RBFOX1: variants seen among roughly 807,000 people sequenced by gnomAD.
The protein encoded by RBFOX1 is RNA binding protein fox-1 homolog 1.
A neutral mutation model predicts 57.7 loss-of-function variants in RBFOX1; 8 were observed. The ratio of observed to expected loss-of-function variants is 0.14; its 90% CI spans 0.08 to 0.25. RBFOX1 has a LOEUF of 0.25. Among genes scored for constraint, RBFOX1 ranks in the 10% least tolerant of loss-of-function variants. RBFOX1 has a pLI of 1.00. For missense variants in RBFOX1, 611 were observed against 548.5 expected, an observed-to-expected ratio of 1.11 and a Z score of -1.14; for synonymous variants, 326 against 222.4, an observed-to-expected ratio of 1.47 and a Z score of -4.15.
intron 4 of RBFOX1, among the ~76,000 whole-genome samples, chr16:7,292,228 AGAACG>A (rs1427882749): frequency 0.064 from 8,026 of 125,114 alleles, 994 homozygotes; most frequent in African/African-American, 0.15. Flanking sequence ...TATATGATAT[AGAACG>A]TATTATATAT....
chr16:6,720,421 A>G (rs181826328), intron 3 of RBFOX1, among the ~76,000 whole-genome samples: 34 of 152,158 alleles, frequency 2.2e-4, no homozygotes, highest in African/African-American at 7.5e-4. Flanking sequence ...CTTTCTTTAT[A>G]AATTACCCAC....
chr16:5,716,211 G>A (rs1051925902), intron 3 of RBFOX1, among the ~76,000 whole-genome samples: 3 of 152,240 alleles, frequency 2.0e-5, no homozygotes, highest in South Asian at 2.1e-4. Context: ...TGGTTGGCGT[G>A]AAAGTAATTT....
intron 2 of RBFOX1, among the ~76,000 whole-genome samples, chr16:6,581,640 G>C (rs1175665833): frequency 1.3e-5 from 2 of 152,166 alleles, no homozygotes; most frequent in Non-Finnish European, 2.9e-5. Context: ...GAGCTTCTCA[G>C]AAACAGGTGA....
intron 2 of RBFOX1, among the ~76,000 whole-genome samples, chr16:6,387,086 A>G (rs78547074): frequency 0.023 from 3,481 of 152,284 alleles, 125 homozygotes; most frequent in African/African-American, 0.075. Context: ...AAGTCTTGGT[A>G]AAGTCAAAGT....
rs752261790 is a variant in RBFOX1 at position 5,946,652 on chromosome 16, C to G, written c.351+79317C>G. Among the ~76,000 whole-genome samples, 10 of 152,092 alleles carry G rather than the reference C, an allele frequency of 6.6e-5. No individual in the cohort carries two copies. The highest frequency in any genetic ancestry group is 1.3e-4 in the Non-Finnish European group (9 of 68,024). ...GAGCCGTGCTAGGCAACTATTGAAC[C>G]AGAGAAGGGGGTTATGAGAATCTCT... On this transcript the variant is annotated intron_variant, in intron 4 of 19. Coordinates refer to the RBFOX1 transcript ENST00000641259. This position sits in a 1 kb window ranked among gnomAD's most constrained non-coding sequence, Gnocchi z 4.6.
At chr16:7,610,354 C>G (rs1307765317) in intron 10 of RBFOX1, among the ~76,000 whole-genome samples, 1 of 151,468 alleles carries the variant, frequency 6.6e-6, no homozygotes, top group Non-Finnish European at 1.5e-5. Context: ...CTTCTGACCT[C>G]AAGTGATGCG....
At chr16:7,125,475 A>G (rs2068268499) in intron 4 of RBFOX1, among the ~76,000 whole-genome samples, 1 of 152,196 alleles carries the variant, frequency 6.6e-6, no homozygotes, top group African/African-American at 2.4e-5. Flanking sequence ...AACCTGTCGG[A>G]TGCTAAGCAG....
intron 11 of RBFOX1, among the ~76,000 whole-genome samples, chr16:7,632,900 A>G (rs1031456647): frequency 2.9e-5 from 4 of 137,426 alleles, no homozygotes; most frequent in Admixed American, 1.4e-4. Context: ...GAACAAAACA[A>G]TCAACTCCAA....
At chr16:5,920,459 G>A (rs2152227370) in intron 4 of RBFOX1, among the ~76,000 whole-genome samples, 1 of 152,296 alleles carries the variant, frequency 6.6e-6, no homozygotes, top group South Asian at 2.1e-4. Context: ...TCTCGTGGGT[G>A]TATACCTAGG....
chr16:6,900,923 A>G (rs1383947125), intron 3 of RBFOX1, among the ~76,000 whole-genome samples: 1 of 152,210 alleles, frequency 6.6e-6, no homozygotes, highest in Non-Finnish European at 1.5e-5. Flanking sequence ...TGCACATGGT[A>G]AATGCTAATG....
At chr16:6,618,610 T>TA (rs2098178133) in intron 2 of RBFOX1, among the ~76,000 whole-genome samples, 1 of 152,154 alleles carries the variant, frequency 6.6e-6, no homozygotes, top group Admixed American at 6.5e-5. Flanking sequence ...TACAGAAAGG[T>TA]AAAATCACTT....
chr16:6,978,073 C>G (rs1417479444), intron 3 of RBFOX1, among the ~76,000 whole-genome samples: 1 of 151,908 alleles, frequency 6.6e-6, no homozygotes, highest in African/African-American at 2.4e-5. Context: ...TACCCCGCCC[C>G]CCTTCATGTG....
intron 3 of RBFOX1, among the ~76,000 whole-genome samples, chr16:6,784,768 G>C (rs551831413): frequency 6.6e-6 from 1 of 151,950 alleles, no homozygotes; most frequent in East Asian, 1.9e-4. Flanking sequence ...CGGGGGTTGT[G>C]GGGAAGTAAA....
intron 1 of RBFOX1, among the ~76,000 whole-genome samples, chr16:6,071,015 A>C (rs961304044): frequency 2.6e-5 from 4 of 152,144 alleles, no homozygotes; most frequent in African/African-American, 9.7e-5. Flanking sequence ...GGGATCACCA[A>C]ATTTTATACA....
At chr16:6,817,935 T>C (rs1022183967) in intron 3 of RBFOX1, among the ~76,000 whole-genome samples, 6 of 152,142 alleles carry the variant, frequency 3.9e-5, no homozygotes, top group African/African-American at 1.2e-4. Context: ...CTACTGTGTC[T>C]CTCTGTTGGG....
intron 3 of RBFOX1, among the ~76,000 whole-genome samples, chr16:6,969,218 A>C (rs1359093574): frequency 6.6e-6 from 1 of 152,132 alleles, no homozygotes; most frequent in African/African-American, 2.4e-5. Flanking sequence ...TTCACCTGTT[A>C]TGTGAGAATG....
At chr16:5,861,668 A>G (rs1468336986) in intron 3 of RBFOX1, among the ~76,000 whole-genome samples, 2 of 152,174 alleles carry the variant, frequency 1.3e-5, no homozygotes, top group South Asian at 2.1e-4. Context: ...CCCATGCCCC[A>G]TGACGGTGCC....
intron 2 of RBFOX1, among the ~76,000 whole-genome samples, chr16:5,493,646 G>A (rs1475901607): frequency 2.0e-5 from 3 of 152,210 alleles, no homozygotes; most frequent in Non-Finnish European, 2.9e-5. Flanking sequence ...ATACCGATCT[G>A]TCAAGATTGA....
At chr16:6,098,300 T>C (rs1320298170) in intron 1 of RBFOX1, among the ~76,000 whole-genome samples, 2 of 152,188 alleles carry the variant, frequency 1.3e-5, no homozygotes. Context: ...GTCCCTTGCA[T>C]GGACCCAGAA....
Sources: gnomAD v4.1 joint callset for allele counts (sites outside exome capture counted in the v4.1 genomes callset) on GRCh38, gnomAD v4.1.1 for gene constraint, Gnocchi (gnomAD v3.1) non-coding constraint, MANE v1.5 for transcripts, NCBI Gene and HGNC (gene_info 2026-07-23, HGNC 2026-07-21) for gene names.